USP3: variants seen among roughly 807,000 people sequenced by gnomAD.
USP3 encodes the protein ubiquitin specific peptidase 3, also known as ubiquitin carboxyl-terminal hydrolase 3.
Under a neutral mutation model 72.3 loss-of-function variants are expected in USP3, and 20 were observed. The observed-to-expected ratio is 0.28, with a 90% CI of 0.19 to 0.40. The LOEUF (loss-of-function observed/expected upper bound fraction) is 0.40, where lower values mean the gene tolerates loss of function less well. USP3 is among the 10% of genes least tolerant of loss of function. USP3 has a pLI of 1.00. For missense variants in USP3, 479 were observed against 633.9 expected, an observed-to-expected ratio of 0.76 and a Z score of 2.62; for synonymous variants, 222 against 225.3, an observed-to-expected ratio of 0.99 and a Z score of 0.13.
chr15:63,510,275 C>A (rs2065764051), intron 1 of USP3, among the ~76,000 whole-genome samples: 1 of 152,020 alleles, frequency 6.6e-6, no homozygotes, highest in Admixed American at 6.6e-5. Context: ...AATTTGAGTC[C>A]CTCTTCCATC....
At chr15:63,576,052 T>C (rs2066858367) in intron 11 of USP3, among the ~76,000 whole-genome samples, 1 of 150,454 alleles carries the variant, frequency 6.6e-6, no homozygotes, top group African/African-American at 2.4e-5. Context: ...AGTGGCGCGA[T>C]CTTGGCTCAC....
At chr15:63,543,554 C>T (rs1347693278) in intron 3 of USP3, among the ~76,000 whole-genome samples, 2 of 152,178 alleles carry the variant, frequency 1.3e-5, no homozygotes, top group Admixed American at 1.3e-4. Flanking sequence ...TCAGTTTCAC[C>T]TGTGGTGTCC....
intron 11 of USP3, among the ~76,000 whole-genome samples, chr15:63,577,750 CAAAATAAATA>C (rs1219597925): frequency 4.6e-5 from 7 of 151,614 alleles, no homozygotes; most frequent in Non-Finnish European, 5.9e-5. Flanking sequence ...GACTCCGTCT[CAAAATAAATA>C]AATAAAATAA....
chr15:63,535,826 G>A (rs2066147284), intron 2 of USP3, among the ~76,000 whole-genome samples: 1 of 152,148 alleles, frequency 6.6e-6, no homozygotes. Context: ...TGCAGTTAAG[G>A]TGCCTCATGA....
In USP3 at chr15:63,534,908, T is replaced by TTTTATTTATTTA. The variant is rs200099474; in HGVS notation, c.153-2110_153-2109insATTTATTTATTT. 7.2e-4 allele frequency among the ~76,000 whole-genome samples: 81 copies of TTTTATTTATTTA among 112,590 alleles called. 1 individual carries two copies. The highest frequency in any genetic ancestry group is 2.2e-3 in the African/African-American group (73 of 33,136). The allele number at this position is 112,590 out of a possible 152,430, so 73.9% of individuals were successfully genotyped here. A position where few individuals can be genotyped will look rare whatever the true frequency, so the allele number is the denominator to read the frequency against. On this transcript the variant is annotated intron_variant, in intron 2 of 14. Transcript: ENST00000380324. ...CCTATATGATACCTTAGAGTTTGCCTTTTATTTGTTTATTTATTTATTTAT... is the reference window on the plus strand; with the variant it reads ...CCTATATGATACCTTAGAGTTTGCCTTTTATTTATTTATTTATTTGTTTATTTATTTATTTAT...
At chr15:63,582,375 T>A (rs2066979466) in intron 11 of USP3, among the ~76,000 whole-genome samples, 1 of 152,214 alleles carries the variant, frequency 6.6e-6, no homozygotes, top group Non-Finnish European at 1.5e-5. Flanking sequence ...ACCAGTCTCC[T>A]TACCTTCTGC....
At chr15:63,509,686 C>G in intron 1 of USP3, among the ~76,000 whole-genome samples, 1 of 152,100 alleles carries the variant, frequency 6.6e-6, no homozygotes. Context: ...AAATGTCTTT[C>G]TAGTCTTTCT....
At chr15:63,563,110 C>G in intron 8 of USP3, 102 bp downstream of exon 8, 3 of 799,310 alleles carry the variant, frequency 3.8e-6, no homozygotes, top group Non-Finnish European at 5.4e-6. Flanking sequence ...ATTCTAAATA[C>G]TTAAGACTGG....
At position 63,592,717 on chromosome 15, in the gene USP3, T is replaced by TG. The variant is rs2152686683; in HGVS notation, c.*1892dup. The TG allele has an allele frequency of 6.6e-6, 1 of 152,014 alleles. No homozygotes were observed. Among genetic ancestry groups the TG allele is most frequent in the South Asian group, 2.1e-4 (1 of 4,806 alleles). 9.4% of individuals were successfully genotyped at this position (152,014 alleles called of 1,614,324 possible). On this transcript the variant is annotated 3_prime_UTR_variant, in exon 15 of 15. Transcript: ENST00000380324. Reference sequence around the variant, plus strand: ...TCCCAAGGTGCTAGCATTACAGGCATGAGCCACCACGCCCAGCCTGTTCTA... The same window carrying TG: ...TCCCAAGGTGCTAGCATTACAGGCATGGAGCCACCACGCCCAGCCTGTTCTA...
chr15:63,578,376 G>T (rs566986931), intron 11 of USP3, among the ~76,000 whole-genome samples: 3 of 152,074 alleles, frequency 2.0e-5, no homozygotes, highest in African/African-American at 7.2e-5. Context: ...AGGCCGAGGC[G>T]GGTGGATCAC....
chr15:63,586,974 C>CACTA (rs886358964), intron 11 of USP3, among the ~76,000 whole-genome samples: 2 of 152,126 alleles, frequency 1.3e-5, no homozygotes, highest in African/African-American at 2.4e-5. Flanking sequence ...ACCTTGCCTC[C>CACTA]ACTAACTTTC....
intron 3 of USP3, among the ~76,000 whole-genome samples, chr15:63,550,865 A>C (rs926456741): frequency 3.3e-5 from 5 of 152,210 alleles, no homozygotes; most frequent in African/African-American, 9.7e-5. Flanking sequence ...ATTGAACAAG[A>C]ATCTGAACTA....
chr15:63,547,231 G>A (rs948576525), intron 3 of USP3, among the ~76,000 whole-genome samples: 2 of 151,822 alleles, frequency 1.3e-5, no homozygotes, highest in Non-Finnish European at 2.9e-5. Flanking sequence ...AAAGAATAGC[G>A]GTAACAACAA....
chr15:63,556,895 T>C, intron 5 of USP3, 147 bp downstream of exon 5: 1 of 624,084 alleles, frequency 1.6e-6, no homozygotes. Context: ...GTTTGCCACC[T>C]GTACTGTCGA....
At chr15:63,583,117 G>T (rs1473683833) in intron 11 of USP3, among the ~76,000 whole-genome samples, 2 of 152,118 alleles carry the variant, frequency 1.3e-5, no homozygotes, top group Admixed American at 6.5e-5. Context: ...AATATAGGGG[G>T]GGGAAAAAGG....
At chr15:63,558,054 C>G in intron 5 of USP3, 52 bp from the exon 6 acceptor site, 1 of 1,591,630 alleles carries the variant, frequency 6.3e-7, no homozygotes, top group African/African-American at 1.3e-5. Flanking sequence ...ATGTTTGAAA[C>G]AGTTGGCCTT....
intron 8 of USP3, among the ~76,000 whole-genome samples, chr15:63,568,596 A>G (rs774910113): frequency 6.6e-6 from 1 of 152,240 alleles, no homozygotes; most frequent in African/African-American, 2.4e-5. Flanking sequence ...TACAGAGTCA[A>G]TTCTGAAGCC....
At chr15:63,542,029 T>G in intron 3 of USP3, 1 of 985,026 alleles carries the variant, frequency 1.0e-6, no homozygotes, top group Non-Finnish European at 1.2e-6. Flanking sequence ...ATGTTTTATT[T>G]GTATGATTAT....
chr15:63,569,448 A>C (rs1407556877), intron 8 of USP3, among the ~76,000 whole-genome samples: 1 of 152,184 alleles, frequency 6.6e-6, no homozygotes, highest in Admixed American at 6.5e-5. Flanking sequence ...AGGGGAAAAT[A>C]TATATTGACA....
Sources: gnomAD v4.1 joint callset for allele counts (sites outside exome capture counted in the v4.1 genomes callset) on GRCh38, gnomAD v4.1.1 for gene constraint, MANE v1.5 for transcripts, NCBI Gene and HGNC (gene_info 2026-07-23, HGNC 2026-07-21) for gene names.